Variants in C2orf66 observed in about 807,000 individuals in gnomAD.
C2orf66 encodes uncharacterized protein C2orf66.
C2orf66 carries 6 observed loss-of-function variants against 7.0 expected under a neutral mutation model. The observed-to-expected ratio is 0.86, with a 90% CI of 0.47 to 1.69. The LOEUF (loss-of-function observed/expected upper bound fraction) is 1.69, where lower values mean the gene tolerates loss of function less well. Ranked by LOEUF, C2orf66 falls within the 40% of genes most tolerant of loss-of-function variation. The probability of loss-of-function intolerance (pLI) is 0.01; values close to 1 mark genes in which losing one functional copy is unlikely to be tolerated. For missense variants in C2orf66, 107 were observed against 112.0 expected (o/e 0.96, Z 0.20); for synonymous variants, 38 against 43.8 (o/e 0.87, Z 0.52).
the C2orf66 span, among the ~76,000 whole-genome samples, chr2:196,821,480 T>C: frequency 1.2e-4 from 18 of 152,322 alleles, no homozygotes; most frequent in Admixed American, 1.1e-3. Context: ...CAAATTTTTA[T>C]TCCCTTTTGA....
At chr2:196,812,666 T>C (rs943227866), upstream of C2orf66, among the ~76,000 whole-genome samples, 12 of 152,176 alleles carry the variant, frequency 7.9e-5, no homozygotes, top group African/African-American at 1.9e-4. Flanking sequence ...GATGACATGA[T>C]TGTATATTTA....
the C2orf66 span, among the ~76,000 whole-genome samples, chr2:196,816,684 C>G: frequency 7.9e-5 from 12 of 151,960 alleles, no homozygotes; most frequent in Non-Finnish European, 1.5e-4. Context: ...TGTGTACCCC[C>G]CGAATCTAAA....
the C2orf66 span, among the ~76,000 whole-genome samples, chr2:196,828,230 TCACACACACACACACACACACACA>T: frequency 5.6e-5 from 7 of 125,064 alleles, no homozygotes; most frequent in African/African-American, 1.5e-4. Context: ...TCTCTCTCTC[TCACACACACACACACACACACACA>T]CACACACACA....
At chr2:196,813,114 C>G (rs563717765), upstream of C2orf66, among the ~76,000 whole-genome samples, 17 of 152,142 alleles carry the variant, frequency 1.1e-4, no homozygotes, top group Non-Finnish European at 2.4e-4. Flanking sequence ...AAAGAGCCCA[C>G]ATAGCCAAAA....
chr2:196,811,991 T>C (rs1008852694), upstream of C2orf66, among the ~76,000 whole-genome samples: 1 of 152,120 alleles, frequency 6.6e-6, no homozygotes, highest in Non-Finnish European at 1.5e-5. Flanking sequence ...ACTGTTTTAG[T>C]AGAAAGTCAG....
At chr2:196,814,298 C>A (rs936143293), upstream of C2orf66, among the ~76,000 whole-genome samples, 14 of 152,142 alleles carry the variant, frequency 9.2e-5, no homozygotes, top group Non-Finnish European at 1.5e-5. Flanking sequence ...TGGAAACCAT[C>A]ATTCTCAGCA....
chr2:196,828,144 C>T, the C2orf66 span, among the ~76,000 whole-genome samples: 1 of 151,878 alleles, frequency 6.6e-6, no homozygotes, highest in African/African-American at 2.4e-5. Context: ...TTCTTACTTT[C>T]AGGCTATATC....
chr2:196,811,903 A>C (rs1382916603), upstream of C2orf66, among the ~76,000 whole-genome samples: 1 of 152,210 alleles, frequency 6.6e-6, no homozygotes, highest in Non-Finnish European at 1.5e-5. Flanking sequence ...AGGGAAAATC[A>C]GCAAAGTATG....
At chr2:196,821,085 G>A in the C2orf66 span, among the ~76,000 whole-genome samples, 1 of 152,144 alleles carries the variant, frequency 6.6e-6, no homozygotes, top group Non-Finnish European at 1.5e-5. Context: ...TGTGAGCACA[G>A]AGCAGAGAGA....
At chr2:196,811,045 C>G (rs935297955), upstream of C2orf66, among the ~76,000 whole-genome samples, 6 of 152,210 alleles carry the variant, frequency 3.9e-5, no homozygotes, top group African/African-American at 1.2e-4. Flanking sequence ...GACCTTACAT[C>G]CAGTCAACTG....
At chr2:196,818,494 T>C in the C2orf66 span, among the ~76,000 whole-genome samples, 1 of 152,194 alleles carries the variant, frequency 6.6e-6, no homozygotes, top group South Asian at 2.1e-4. Context: ...ATGCCACAAT[T>C]TGGGCTAGTA....
chr2:196,823,306 G>A, the C2orf66 span, among the ~76,000 whole-genome samples: 18 of 152,168 alleles, frequency 1.2e-4, no homozygotes, highest in African/African-American at 3.9e-4. Context: ...AAACTAAAAC[G>A]AGCTGCTGAT....
At chr2:196,811,151 T>C (rs537010865), upstream of C2orf66, among the ~76,000 whole-genome samples, 22 of 152,280 alleles carry the variant, frequency 1.4e-4, no homozygotes, top group South Asian at 1.4e-3. Flanking sequence ...TTAAAGGTAC[T>C]GAAATTATGC....
chr2:196,828,707 G>T, the C2orf66 span, among the ~76,000 whole-genome samples: 1 of 152,198 alleles, frequency 6.6e-6, no homozygotes, highest in African/African-American at 2.4e-5. Flanking sequence ...GGAAGTCAAA[G>T]AGATTCAAAT....
the C2orf66 span, among the ~76,000 whole-genome samples, chr2:196,817,057 AT>A: frequency 6.6e-6 from 1 of 152,100 alleles, no homozygotes; most frequent in African/African-American, 2.4e-5. Context: ...GGTCGCAAAG[AT>A]TACATGCTTC....
the C2orf66 span, among the ~76,000 whole-genome samples, chr2:196,828,796 T>G: frequency 5.3e-5 from 8 of 151,918 alleles, no homozygotes; most frequent in Admixed American, 2.6e-4. Context: ...GGCACCAGAG[T>G]TCAAGAGTCC....
chr2:196,823,139 C>A, the C2orf66 span, among the ~76,000 whole-genome samples: 1 of 151,896 alleles, frequency 6.6e-6, no homozygotes, highest in Non-Finnish European at 1.5e-5. Flanking sequence ...TAATGATGGT[C>A]TAAACTAGGG....
upstream of C2orf66, among the ~76,000 whole-genome samples, chr2:196,813,973 G>A (rs1231170099): frequency 3.3e-5 from 5 of 152,206 alleles, no homozygotes; most frequent in Admixed American, 3.3e-4. Context: ...CACTGTTGGT[G>A]AGAGTGTATA....
At chr2:196,830,162 G>T in the C2orf66 span, among the ~76,000 whole-genome samples, 12 of 152,042 alleles carry the variant, frequency 7.9e-5, no homozygotes, top group Non-Finnish European at 1.6e-4. Flanking sequence ...ATTTCTAGTT[G>T]TTTCTAGGAG....
Sources: allele counts gnomAD v4.1 joint callset (sites outside exome capture counted in the v4.1 genomes callset), GRCh38; gene constraint gnomAD v4.1.1; transcripts MANE v1.5; gene names NCBI Gene and HGNC (gene_info 2026-07-23, HGNC 2026-07-21).